Variants in DRC11L observed in about 807,000 individuals in gnomAD.
The protein encoded by DRC11L is dynein regulatory complex subunit like-11.
At chr7:151,195,094 AG>A in the DRC11L span, among the ~76,000 whole-genome samples, 1 of 152,174 alleles carries the variant, frequency 6.6e-6, no homozygotes, top group Non-Finnish European at 1.5e-5. Flanking sequence ...TGGGAAGTCC[AG>A]GGGGAAATGA....
chr7:151,205,305 G>T, the DRC11L span: 1 of 398,832 alleles, frequency 2.5e-6, no homozygotes, highest in South Asian at 1.3e-4. Context: ...TTTCCACAGT[G>T]AAAGCTGCCA....
chr7:151,198,382 A>C, the DRC11L span, among the ~76,000 whole-genome samples: 4 of 152,074 alleles, frequency 2.6e-5, 1 homozygote, highest in South Asian at 8.3e-4. Flanking sequence ...GGGTGAGTGG[A>C]TGGATGGATA....
At chr7:151,203,100 G>C in the DRC11L span, 1 of 399,224 alleles carries the variant, frequency 2.5e-6, no homozygotes, top group Non-Finnish European at 4.4e-6. Context: ...TAAAGCTCTG[G>C]CCAGAGCAGG....
the DRC11L span, chr7:151,194,513 C>T: frequency 2.5e-6 from 1 of 399,168 alleles, no homozygotes. Flanking sequence ...GGAGGGGTCT[C>T]ACCTATGTAG....
the DRC11L span, chr7:151,196,830 C>T: frequency 2.5e-6 from 1 of 398,114 alleles, no homozygotes; most frequent in East Asian, 3.6e-5. Context: ...CACCATACCT[C>T]CCTCTCCTCA....
chr7:151,204,481 G>C, the DRC11L span: 1 of 398,994 alleles, frequency 2.5e-6, no homozygotes, highest in East Asian at 3.6e-5. Context: ...CTGGCTGGGG[G>C]CGTGGCTTCG....
At chr7:151,198,273 G>A in the DRC11L span, among the ~76,000 whole-genome samples, 1 of 151,876 alleles carries the variant, frequency 6.6e-6, no homozygotes, top group African/African-American at 2.4e-5. Context: ...TGGGCAGATG[G>A]GCAGATGCAT....
chr7:151,196,776 C>T, the DRC11L span, among the ~76,000 whole-genome samples: 1 of 152,240 alleles, frequency 6.6e-6, no homozygotes, highest in Non-Finnish European at 1.5e-5. Context: ...CCTGTGGCCA[C>T]AGAATTCAGA....
the DRC11L span, among the ~76,000 whole-genome samples, chr7:151,203,972 T>C: frequency 6.6e-6 from 1 of 152,154 alleles, no homozygotes; most frequent in Non-Finnish European, 1.5e-5. Context: ...CCGCAGAAGC[T>C]CTGTGCTCTA....
the DRC11L span, among the ~76,000 whole-genome samples, chr7:151,199,801 G>A: frequency 7.2e-5 from 11 of 152,228 alleles, no homozygotes; most frequent in African/African-American, 1.2e-4. The surrounding 1 kb of genome is among the most constrained non-coding windows in gnomAD (Gnocchi z 5.2). Context: ...AGCATGCTCC[G>A]GCCACCCCTC....
At chr7:151,195,662 G>T in the DRC11L span, 1 of 399,784 alleles carries the variant, frequency 2.5e-6, no homozygotes. Flanking sequence ...CATCCACCTA[G>T]GGGAGACAGC....
the DRC11L span, among the ~76,000 whole-genome samples, chr7:151,202,099 T>C: frequency 3.3e-5 from 5 of 152,112 alleles, no homozygotes; most frequent in Non-Finnish European, 4.4e-5. Flanking sequence ...CTTTCTGCAG[T>C]GAGGTGAGAC....
the DRC11L span, chr7:151,197,943 T>C: frequency 2.5e-6 from 1 of 397,806 alleles, no homozygotes; most frequent in Non-Finnish European, 4.4e-6. Context: ...GAAAGATGAA[T>C]AGATGGATGG....
At chr7:151,201,497 A>T in the DRC11L span, among the ~76,000 whole-genome samples, 1 of 152,336 alleles carries the variant, frequency 6.6e-6, no homozygotes, top group South Asian at 2.1e-4. This position sits in a 1 kb window ranked among gnomAD's most constrained non-coding sequence, Gnocchi z 4.1. Flanking sequence ...AGACATTGAC[A>T]CAGTCATCCT....
At chr7:151,201,257 C>T in the DRC11L span, among the ~76,000 whole-genome samples, 1 of 152,248 alleles carries the variant, frequency 6.6e-6, no homozygotes. The surrounding 1 kb of genome is among the most constrained non-coding windows in gnomAD (Gnocchi z 4.1). Flanking sequence ...GTGACCACCA[C>T]AGACCAGGCC....
chr7:151,201,861 G>A, the DRC11L span, among the ~76,000 whole-genome samples: 1 of 152,200 alleles, frequency 6.6e-6, no homozygotes, highest in Non-Finnish European at 1.5e-5. This position sits in a 1 kb window ranked among gnomAD's most constrained non-coding sequence, Gnocchi z 4.1. Context: ...TCCTGCACTG[G>A]AATTTTCCCG....
the DRC11L span, chr7:151,195,669 C>T: frequency 2.5e-6 from 1 of 399,780 alleles, no homozygotes; most frequent in Non-Finnish European, 4.4e-6. Flanking sequence ...CTAGGGGAGA[C>T]AGCCGAGGTG....
the DRC11L span, chr7:151,193,154 G>A: frequency 0.24 from 94,085 of 397,708 alleles, 11,654 homozygotes; most frequent in Non-Finnish European, 0.26. Flanking sequence ...CTCCTAGCCC[G>A]GTTGGTAGGG....
the DRC11L span, chr7:151,203,041 C>G: frequency 2.5e-6 from 1 of 399,584 alleles, no homozygotes; most frequent in Admixed American, 4.4e-5. Context: ...TTGCCTCGCC[C>G]GCTCTGCCTT....
Sources: allele counts gnomAD v4.1 joint callset (sites outside exome capture counted in the v4.1 genomes callset), GRCh38; gene constraint gnomAD v4.1.1; non-coding constraint Gnocchi (gnomAD v3.1); transcripts MANE v1.5; gene names NCBI Gene and HGNC (gene_info 2026-07-23, HGNC 2026-07-21).